The following GAB2 variants were observed in gnomAD, a reference collection of about 807,000 sequenced individuals.
GAB2 encodes the protein GRB2 associated binding protein 2, also known as GRB2-associated-binding protein 2.
In GAB2, 26 loss-of-function variants were observed where a neutral mutation model predicts 65.5. That is an observed-to-expected ratio of 0.40 (90% CI 0.29 to 0.55). The LOEUF (loss-of-function observed/expected upper bound fraction) is 0.55, where lower values mean the gene tolerates loss of function less well. Among genes scored for constraint, GAB2 ranks in the 20% least tolerant of loss-of-function variants. The probability of loss-of-function intolerance (pLI) is 0.53; values close to 1 mark genes in which losing one functional copy is unlikely to be tolerated. For synonymous variants in GAB2, 321 were observed against 329.6 expected (o/e 0.97, Z 0.28); for missense variants, 884 against 875.8 (o/e 1.01, Z -0.12).
At chr11:78,357,390 C>T (rs1856373696) in intron 1 of GAB2, among the ~76,000 whole-genome samples, 1 of 152,072 alleles carries the variant, frequency 6.6e-6, no homozygotes, top group Admixed American at 6.5e-5. Context: ...AAAGCAATGG[C>T]AACAAAAGCC....
rs1007558740 is a variant in GAB2, at chr11:78,215,779, G to A, written c.*3493C>T. 5.9e-5 allele frequency: 9 copies of A among 152,278 alleles called. No individual in the cohort carries two copies. The highest frequency in any genetic ancestry group is 3.9e-4 in the Admixed American group (6 of 15,236). 9.4% of individuals were successfully genotyped at this position (152,278 alleles called of 1,614,324 possible). ...AGTCCCAGAAAGACGACCCCCCACG[G>A]AAGGGCTTTAGCGCTCCTGAGACCA... On this transcript the variant is annotated 3_prime_UTR_variant, in exon 10 of 10. Transcript: ENST00000361507.
In GAB2 at chr11:78,417,806, C is replaced by CGCGGGAGGCCAGGGGCGGG. The variant is rs1443445565; in HGVS notation, c.-87_-86insCCCGCCCCTGGCCTCCCGC. The CGCGGGAGGCCAGGGGCGGG allele has an allele frequency of 3.7e-5, 25 of 670,708 alleles. No individual in the cohort carries two copies. Among genetic ancestry groups the CGCGGGAGGCCAGGGGCGGG allele is most frequent in the Admixed American group, 2.5e-4 (4 of 15,852 alleles). 41.5% of individuals were successfully genotyped at this position (670,708 alleles called of 1,614,324 possible). ...GGGCAGCGGCCGGCGGTGCGCAGCT[C>CGCGGGAGGCCAGGGGCGGG]GCGGGAGGCCAGGGGCGGGGCGGGC... On this transcript the variant is annotated 5_prime_UTR_variant, in exon 1 of 10. Transcript: ENST00000361507.
chr11:78,243,160 T>C (rs1233468429), intron 3 of GAB2, among the ~76,000 whole-genome samples: 1 of 135,944 alleles, frequency 7.4e-6, no homozygotes, highest in Non-Finnish European at 1.6e-5. Flanking sequence ...TGAGACTCTG[T>C]CTAGAAAAAA....
chr11:78,415,955 T>G (rs1169118990), intron 1 of GAB2, among the ~76,000 whole-genome samples: 1 of 151,882 alleles, frequency 6.6e-6, no homozygotes, highest in Non-Finnish European at 1.5e-5. Flanking sequence ...TTTTTTTTTT[T>G]TTTACTGTGG....
chr11:78,301,037 G>T (rs554820385), intron 1 of GAB2, among the ~76,000 whole-genome samples: 1 of 152,020 alleles, frequency 6.6e-6, no homozygotes, highest in Non-Finnish European at 1.5e-5. Flanking sequence ...ATTAACGATG[G>T]TAAGCAACTT....
intron 1 of GAB2, among the ~76,000 whole-genome samples, chr11:78,351,434 GGGTCTTTGTTTATAA>G (rs1856276494): frequency 6.6e-6 from 1 of 152,110 alleles, no homozygotes; most frequent in Non-Finnish European, 1.5e-5. Context: ...AGGTGGCCCT[GGGTCTTTGTTTATAA>G]GGTCTTTGTT....
chr11:78,240,505 T>TACGCCTCTCCCTGGGGAGTAGAGTC (rs1865099735), intron 3 of GAB2, among the ~76,000 whole-genome samples: 1 of 151,752 alleles, frequency 6.6e-6, no homozygotes, highest in Non-Finnish European at 1.5e-5. Flanking sequence ...GCTGTTGAGA[T>TACGCCTCTCCCTGGGGAGTAGAGTC]ACGCCTCTCC....
chr11:78,370,715 G>GTGTA (rs1856560516), intron 1 of GAB2, among the ~76,000 whole-genome samples: 9 of 135,402 alleles, frequency 6.6e-5, no homozygotes, highest in African/African-American at 2.9e-4. Flanking sequence ...GTGTGTGCGT[G>GTGTA]TGTGTGTGTA....
intron 1 of GAB2, among the ~76,000 whole-genome samples, chr11:78,350,075 T>G (rs1856252882): frequency 6.6e-6 from 1 of 152,194 alleles, no homozygotes; most frequent in African/African-American, 2.4e-5. Flanking sequence ...ATATTTTCAT[T>G]CATCACATTG....
At chr11:78,396,372 G>C (rs150316280) in intron 1 of GAB2, among the ~76,000 whole-genome samples, 14 of 152,296 alleles carry the variant, frequency 9.2e-5, no homozygotes, top group Non-Finnish European at 1.6e-4. Flanking sequence ...GTTTTAAATT[G>C]AATTTGTAAA....
intron 1 of GAB2, among the ~76,000 whole-genome samples, chr11:78,415,482 A>G (rs1287639282): frequency 6.6e-6 from 1 of 152,222 alleles, no homozygotes; most frequent in African/African-American, 2.4e-5. Context: ...AAGTAGATGT[A>G]AAGGCATACT....
At chr11:78,384,516 G>A (rs951186336) in intron 1 of GAB2, among the ~76,000 whole-genome samples, 1 of 152,206 alleles carries the variant, frequency 6.6e-6, no homozygotes, top group Non-Finnish European at 1.5e-5. Flanking sequence ...TCCTGCCAAA[G>A]GGGACCCAGA....
intron 1 of GAB2, among the ~76,000 whole-genome samples, chr11:78,397,886 T>A (rs1301507130): frequency 6.6e-6 from 1 of 152,212 alleles, no homozygotes; most frequent in African/African-American, 2.4e-5. Flanking sequence ...TTATAGTCTC[T>A]GTTGGTATCC....
At chr11:78,377,149 C>A (rs1856641196) in intron 1 of GAB2, among the ~76,000 whole-genome samples, 1 of 152,206 alleles carries the variant, frequency 6.6e-6, no homozygotes, top group Admixed American at 6.5e-5. Flanking sequence ...CCAATTAAAT[C>A]TATTTTCATT....
chr11:78,300,636 G>A (rs1053843458), intron 1 of GAB2, among the ~76,000 whole-genome samples: 2 of 150,388 alleles, frequency 1.3e-5, no homozygotes, highest in African/African-American at 2.4e-5. Context: ...TCATTATGGC[G>A]ACTGTAGGGG....
intron 1 of GAB2, among the ~76,000 whole-genome samples, chr11:78,308,158 G>A (rs768507829): frequency 6.6e-6 from 1 of 152,118 alleles, no homozygotes; most frequent in Non-Finnish European, 1.5e-5. Context: ...TGTTAAAACA[G>A]GGAGAGAGAG....
intron 3 of GAB2, among the ~76,000 whole-genome samples, chr11:78,248,331 G>C (rs1256600010): frequency 5.9e-5 from 9 of 152,152 alleles, no homozygotes; most frequent in Admixed American, 5.2e-4. Context: ...AGTGGTGGTG[G>C]CGGCAATTGT....
chr11:78,332,773 G>C (rs546168736), intron 1 of GAB2, among the ~76,000 whole-genome samples: 2 of 152,326 alleles, frequency 1.3e-5, no homozygotes, highest in East Asian at 3.9e-4. Context: ...TAACTATTAA[G>C]AAGTGTTGTT....
At chr11:78,231,336 G>GGTGTGTGTGTGTGTGTGTGTGTGTGT (rs58651538) in intron 3 of GAB2, among the ~76,000 whole-genome samples, 117 of 145,892 alleles carry the variant, frequency 8.0e-4, no homozygotes, top group African/African-American at 2.7e-3. Flanking sequence ...GCGCGTGTGT[G>GGTGTGTGTGTGTGTGTGTGTGTGTGT]GTGTGTGTGT....
Sources: allele counts gnomAD v4.1 joint callset (sites outside exome capture counted in the v4.1 genomes callset), GRCh38; gene constraint gnomAD v4.1.1; transcripts MANE v1.5; gene names NCBI Gene and HGNC (gene_info 2026-07-23, HGNC 2026-07-21).